ZSWIM6: variants seen among roughly 807,000 people sequenced by gnomAD.
The protein encoded by ZSWIM6 is zinc finger SWIM-type containing 6, also known as zinc finger SWIM domain-containing protein 6.
ZSWIM6 carries 9 observed loss-of-function variants against 113.2 expected under a neutral mutation model. The ratio of observed to expected loss-of-function variants is 0.08; its 90% CI spans 0.05 to 0.14. The LOEUF (loss-of-function observed/expected upper bound fraction) is 0.14, where lower values mean the gene tolerates loss of function less well. Ranked by LOEUF, ZSWIM6 falls within the 10% of genes least tolerant of loss-of-function variation. The probability of loss-of-function intolerance (pLI) is 1.00; values close to 1 mark genes in which losing one functional copy is unlikely to be tolerated. For missense variants in ZSWIM6, 1,162 were observed against 1,552.2 expected, an observed-to-expected ratio of 0.75 and a Z score of 4.22; for synonymous variants, 611 against 606.5, an observed-to-expected ratio of 1.01 and a Z score of -0.11.
intron 1 of ZSWIM6, among the ~76,000 whole-genome samples, chr5:61,439,106 C>T (rs1746772341): frequency 6.6e-6 from 1 of 152,190 alleles, no homozygotes; most frequent in South Asian, 2.1e-4. Flanking sequence ...TCATCAGAAA[C>T]AGACATTTGA....
chr5:61,368,512 T>A (rs930683716), intron 1 of ZSWIM6, among the ~76,000 whole-genome samples: 2 of 152,202 alleles, frequency 1.3e-5, no homozygotes, highest in African/African-American at 4.8e-5. Flanking sequence ...CTCTGAGCAG[T>A]CTGCCTTTGG....
At position 61,542,901 on chromosome 5, in the gene ZSWIM6, G is replaced by A. The variant is rs114059029; in HGVS notation, c.2786-554G>A. ...CCTACAAGTGAGGGATATTGGGTCT[G>A]TGAACGTAAAGTGATTATTTTAAAG... On this transcript the variant is annotated intron_variant, in intron 13 of 13. Transcript: ENST00000252744. Among the ~76,000 whole-genome samples the A allele has an allele frequency of 3.4e-3, 521 of 152,294 alleles. 2 individuals carry two copies. The highest frequency in any genetic ancestry group is 6.0e-3 in the Non-Finnish European group (408 of 68,022).
chr5:61,516,289 A>C (rs1408758183), intron 4 of ZSWIM6, among the ~76,000 whole-genome samples: 9 of 149,456 alleles, frequency 6.0e-5, no homozygotes, highest in Non-Finnish European at 1.5e-5. Context: ...AAAATGTTTT[A>C]TTATAATTTA....
chr5:61,460,754 A>C (rs941200793), intron 1 of ZSWIM6, among the ~76,000 whole-genome samples: 2 of 152,140 alleles, frequency 1.3e-5, no homozygotes, highest in African/African-American at 4.8e-5. Flanking sequence ...ATCATAATAT[A>C]TAATGTTCAT....
At chr5:61,454,756 G>C (rs1329220215) in intron 1 of ZSWIM6, among the ~76,000 whole-genome samples, 1 of 151,742 alleles carries the variant, frequency 6.6e-6, no homozygotes, top group Admixed American at 6.6e-5. Flanking sequence ...TAATTTTTTT[G>C]TATTTTTAGT....
chr5:61,426,485 T>C (rs930341495), intron 1 of ZSWIM6, among the ~76,000 whole-genome samples: 6 of 152,234 alleles, frequency 3.9e-5, no homozygotes, highest in Admixed American at 1.3e-4. Context: ...GAATATTTTC[T>C]TACAAAACTA....
rs541786389 is a variant in ZSWIM6 at position 61,428,539 on chromosome 5, A to T, written c.677-44142A>T. 4.0e-3 allele frequency among the ~76,000 whole-genome samples: 597 copies of T among 147,528 alleles called. 3 individuals carry two copies. Among genetic ancestry groups the T allele is most frequent in the South Asian group, 8.0e-3 (37 of 4,610 alleles). On this transcript the variant is annotated intron_variant, in intron 1 of 13. Transcript: ENST00000252744. ...CGCTACACGCAGCTAACTTAAAACA[A>T]TTTTTTTTTTTTTTATAGACAGGGT...
intron 7 of ZSWIM6, among the ~76,000 whole-genome samples, chr5:61,528,656 C>T (rs1306944260): frequency 1.1e-4 from 16 of 151,286 alleles, no homozygotes; most frequent in Non-Finnish European, 2.1e-4. Context: ...GGCGCAATCT[C>T]GGCTTACTGC....
At chr5:61,423,400 C>A in intron 1 of ZSWIM6, among the ~76,000 whole-genome samples, 1 of 149,810 alleles carries the variant, frequency 6.7e-6, no homozygotes, top group Admixed American at 6.7e-5. Flanking sequence ...AAGAGTGAAA[C>A]TCCATCTCAA....
chr5:61,440,387 T>C (rs981648999), intron 1 of ZSWIM6, among the ~76,000 whole-genome samples: 9 of 146,160 alleles, frequency 6.2e-5, no homozygotes, highest in African/African-American at 1.5e-4. Context: ...AAAAAAGATA[T>C]GGTTGAACCT....
intron 1 of ZSWIM6, among the ~76,000 whole-genome samples, chr5:61,436,056 C>T (rs923585376): frequency 3.3e-5 from 5 of 152,018 alleles, no homozygotes; most frequent in African/African-American, 1.2e-4. Context: ...ACAAAATTAG[C>T]CGGGCGTGGT....
chr5:61,353,243 T>C (rs552673305), intron 1 of ZSWIM6, among the ~76,000 whole-genome samples: 1 of 152,286 alleles, frequency 6.6e-6, no homozygotes, highest in Admixed American at 6.5e-5. Flanking sequence ...TTATTTGCCA[T>C]TTTATATTGT....
At chr5:61,342,719 A>T (rs993105728) in intron 1 of ZSWIM6, among the ~76,000 whole-genome samples, 1 of 152,244 alleles carries the variant, frequency 6.6e-6, no homozygotes, top group African/African-American at 2.4e-5. Context: ...TTTAAAAATC[A>T]TAAGGATATT....
At chr5:61,425,268 A>G (rs1277864176) in intron 1 of ZSWIM6, among the ~76,000 whole-genome samples, 1 of 152,234 alleles carries the variant, frequency 6.6e-6, no homozygotes, top group Non-Finnish European at 1.5e-5. Flanking sequence ...AAATGGAGAA[A>G]AAGGTGTATA....
Position 61,368,123 on chromosome 5 carries a change from T to C in ZSWIM6, c.676+35175T>C, listed in dbSNP as rs538311737. On this transcript the variant is annotated intron_variant, in intron 1 of 13. Coordinates refer to ENST00000252744, the MANE Select transcript of ZSWIM6 (RefSeq NM_020928.2). ...GCCTGGGTGACAGAGAAAGCACCTGTCTCAAAAACCAAAAGTTTCTACCTA... is the reference window on the plus strand; with the variant it reads ...GCCTGGGTGACAGAGAAAGCACCTGCCTCAAAAACCAAAAGTTTCTACCTA... Among the ~76,000 whole-genome samples the C allele has an allele frequency of 2.0e-5, 3 of 152,256 alleles. No homozygotes were observed. In the South Asian group the frequency reaches 6.2e-4, roughly 32 times the overall value.
At chr5:61,335,337 C>A (rs1282653880) in intron 1 of ZSWIM6, among the ~76,000 whole-genome samples, 1 of 152,190 alleles carries the variant, frequency 6.6e-6, no homozygotes, top group African/African-American at 2.4e-5. Context: ...TTTGCCTTAA[C>A]TTCGAAGTTG....
At chr5:61,430,031 T>A (rs895938498) in intron 1 of ZSWIM6, among the ~76,000 whole-genome samples, 7 of 152,164 alleles carry the variant, frequency 4.6e-5, no homozygotes, top group African/African-American at 1.7e-4. Flanking sequence ...GGGTTTTATG[T>A]TGTATTGTCA....
At chr5:61,369,929 T>A (rs577587936) in intron 1 of ZSWIM6, among the ~76,000 whole-genome samples, 1 of 152,338 alleles carries the variant, frequency 6.6e-6, no homozygotes, top group African/African-American at 2.4e-5. Context: ...ATCTGAGATG[T>A]CAGATTTTAC....
In ZSWIM6 at chr5:61,332,553, TG is replaced by T; in HGVS notation, c.283del (p.Glu95ArgfsTer15). 1 of 1,356,188 alleles carries T rather than the reference TG, an allele frequency of 7.4e-7. No homozygotes were observed. The allele number at this position is 1,356,188 out of a possible 1,614,324, so 84.0% of individuals were successfully genotyped here. On this transcript the variant is annotated frameshift_variant, in exon 1 of 14. Coordinates refer to ENST00000252744, the MANE Select transcript of ZSWIM6 (RefSeq NM_020928.2). LOFTEE classifies it high-confidence loss of function. ...RVAEKWPFQR[V>X]EERFERIPEP... ...GCGGAGAAGTGGCCGTTCCAGCGCG[TG>T]GAGGAGCGCTTTGAGCGCATCCCGG...
Sources: allele counts gnomAD v4.1 joint callset (sites outside exome capture counted in the v4.1 genomes callset), GRCh38; gene constraint gnomAD v4.1.1; transcripts MANE v1.5; gene names NCBI Gene and HGNC (gene_info 2026-07-23, HGNC 2026-07-21).